Variants in UBE2W observed in about 807,000 individuals in gnomAD.
UBE2W encodes the protein ubiquitin conjugating enzyme E2 W, also known as ubiquitin-conjugating enzyme E2 W.
UBE2W carries 18 observed loss-of-function variants against 27.2 expected under a neutral mutation model. That is an observed-to-expected ratio of 0.66 (90% CI 0.46 to 0.98). The LOEUF (loss-of-function observed/expected upper bound fraction) is 0.98. Among genes scored for constraint, UBE2W ranks in the 50% least tolerant of loss-of-function variants. The pLI, the probability that UBE2W is intolerant of heterozygous loss-of-function variation, is 0.00. For missense variants in UBE2W, 90 were observed against 180.2 expected, an observed-to-expected ratio of 0.50 and a Z score of 2.87; for synonymous variants, 53 against 57.2, an observed-to-expected ratio of 0.93 and a Z score of 0.33.
At chr8:73,848,480 T>C (rs1227967460) in intron 1 of UBE2W, among the ~76,000 whole-genome samples, 1 of 152,100 alleles carries the variant, frequency 6.6e-6, no homozygotes, top group Middle Eastern at 3.2e-3. Context: ...TTCCAGGAGT[T>C]TGAAACTAGC....
rs73338458 is a variant in UBE2W, at chr8:73,818,164, T to C, written c.210+6983A>G. The stretch of plus-strand genomic sequence containing the variant: ...CCAAAGCATACAATTCACACTTCAG[T>C]TGTCTGTACAGTTGCATATGCCAAA... On this transcript the variant is annotated intron_variant, in intron 3 of 5. Coordinates refer to ENST00000602593, the MANE Select transcript of UBE2W (RefSeq NM_018299.6). Among the ~76,000 whole-genome samples, 574 of 152,346 alleles carry C rather than the reference T, an allele frequency of 3.8e-3. 3 individuals carry two copies. The highest frequency in any genetic ancestry group is 0.012 in the African/African-American group (496 of 41,576).
At chr8:73,820,338 A>T (rs956362173) in intron 3 of UBE2W, among the ~76,000 whole-genome samples, 3 of 152,194 alleles carry the variant, frequency 2.0e-5, no homozygotes, top group Non-Finnish European at 4.4e-5. Flanking sequence ...AATACATTTT[A>T]AAAAATTTTA....
chr8:73,796,685 T>C, intron 5 of UBE2W: 2 of 983,606 alleles, frequency 2.0e-6, no homozygotes, highest in African/African-American at 3.5e-5. Flanking sequence ...TACGAATCCA[T>C]GATGGCTATA....
intron 1 of UBE2W, among the ~76,000 whole-genome samples, chr8:73,873,443 A>C (rs1812089784): frequency 6.6e-6 from 1 of 152,146 alleles, no homozygotes; most frequent in African/African-American, 2.4e-5. Context: ...CCGATGGCTG[A>C]GTCCTGGAGT....
At position 73,837,513 on chromosome 8, in the gene UBE2W, T is replaced by TA. The variant is rs879465547; in HGVS notation, c.16-7042dup. 7.6e-4 allele frequency among the ~76,000 whole-genome samples: 111 copies of TA among 146,338 alleles called. 1 individual carries two copies. The South Asian group carries it at 9.5e-3, about 13-fold the overall frequency. ...GGGCAACAGAGTGAGACTCTTGTCT[T>TA]AAAAAAAAAAAAATTATGAAGTGGT... On this transcript the variant is annotated intron_variant, in intron 1 of 5. Coordinates refer to ENST00000602593, the MANE Select transcript of UBE2W (RefSeq NM_018299.6).
At chr8:73,834,945 CAA>C (rs1362921996) in intron 1 of UBE2W, among the ~76,000 whole-genome samples, 1 of 151,860 alleles carries the variant, frequency 6.6e-6, no homozygotes, top group Non-Finnish European at 1.5e-5. Flanking sequence ...CCAACAACAA[CAA>C]AAAAGAGGTT....
chr8:73,801,849 C>T (rs1004933714), intron 5 of UBE2W, among the ~76,000 whole-genome samples: 10 of 152,178 alleles, frequency 6.6e-5, no homozygotes, highest in African/African-American at 2.4e-4. Flanking sequence ...CTAGCTACAT[C>T]AGAATTATCT....
chr8:73,858,879 CGTGTGTGTGTGTGTGT>C (rs5892434), intron 1 of UBE2W, among the ~76,000 whole-genome samples: 1 of 141,728 alleles, frequency 7.1e-6, no homozygotes. Flanking sequence ...TTTTTGCGTG[CGTGTGTGTGTGTGTGT>C]GTGTGTGTGT....
At chr8:73,849,964 C>T (rs1486396330) in intron 1 of UBE2W, among the ~76,000 whole-genome samples, 1 of 151,938 alleles carries the variant, frequency 6.6e-6, no homozygotes. Context: ...GAGCATAAAA[C>T]CTGTATACAC....
intron 3 of UBE2W, among the ~76,000 whole-genome samples, chr8:73,821,884 T>C (rs568327924): frequency 6.6e-6 from 1 of 152,072 alleles, no homozygotes; most frequent in South Asian, 2.1e-4. Flanking sequence ...GGCCAAATCA[T>C]TATTTACTGG....
intron 1 of UBE2W, among the ~76,000 whole-genome samples, chr8:73,864,607 T>C (rs563485428): frequency 2.9e-4 from 44 of 152,224 alleles, no homozygotes; most frequent in African/African-American, 1.0e-3. Flanking sequence ...AGTCTCGCTC[T>C]ATGGCCCAGG....
At position 73,791,028 on chromosome 8, in the gene UBE2W, T is replaced by C. The variant is rs777762347; in HGVS notation, c.*3074A>G. 19 of 983,704 alleles carry C rather than the reference T, an allele frequency of 1.9e-5. No individual in the cohort carries two copies. Among genetic ancestry groups the C allele is most frequent in the Non-Finnish European group, 2.3e-5 (19 of 828,520 alleles). The allele number at this position is 983,704 out of a possible 1,614,324, so 60.9% of individuals were successfully genotyped here. On this transcript the variant is annotated 3_prime_UTR_variant, in exon 6 of 6. Transcript: ENST00000602593. The stretch of plus-strand genomic sequence containing the variant: ...TAGTCAAAACAACAAGGAATTAAGA[T>C]CTTTCTCCAGGTGAACTGCTGACTA...
intron 4 of UBE2W, among the ~76,000 whole-genome samples, chr8:73,810,117 T>C (rs1809094335): frequency 6.6e-6 from 1 of 152,166 alleles, no homozygotes; most frequent in Non-Finnish European, 1.5e-5. Flanking sequence ...AAGGAAGCTA[T>C]GATGCACTTT....
chr8:73,857,405 T>C (rs1207238643), intron 1 of UBE2W, among the ~76,000 whole-genome samples: 3 of 152,180 alleles, frequency 2.0e-5, no homozygotes, highest in African/African-American at 7.2e-5. Flanking sequence ...TTCACTACAA[T>C]AGTTTCAATG....
At chr8:73,857,882 G>A (rs1003785156) in intron 1 of UBE2W, among the ~76,000 whole-genome samples, 3 of 151,914 alleles carry the variant, frequency 2.0e-5, no homozygotes, top group Non-Finnish European at 4.4e-5. Flanking sequence ...ACATAAACTT[G>A]GGCCTCAGTT....
chr8:73,872,889 TTTTTTTTTTTCC>T, intron 1 of UBE2W, among the ~76,000 whole-genome samples: 1 of 145,888 alleles, frequency 6.9e-6, no homozygotes, highest in South Asian at 2.2e-4. Context: ...AAGATAATCC[TTTTTTTTTTTCC>T]TTTTTTTTTT....
rs1808216975 is a variant in UBE2W, at chr8:73,791,877, G to A, written c.*2225C>T. ...ATGGTATTTATATGTAGAGAGAGAG[G>A]TATGTTAAAATATTGTCATAAAAAA... On this transcript the variant is annotated 3_prime_UTR_variant, in exon 6 of 6. Transcript: ENST00000602593. 3.0e-6 allele frequency: 3 copies of A among 984,074 alleles called. 1 individual carries two copies. Among genetic ancestry groups the A allele is most frequent in the South Asian group, 9.4e-5 (2 of 21,264 alleles). 61.0% of individuals were successfully genotyped at this position (984,074 alleles called of 1,614,324 possible).
intron 1 of UBE2W, among the ~76,000 whole-genome samples, chr8:73,864,634 T>G (rs1010231352): frequency 3.3e-5 from 5 of 151,710 alleles, no homozygotes; most frequent in African/African-American, 1.2e-4. Flanking sequence ...TGCAATGGCA[T>G]GATCTTGGCT....
Position 73,790,117 on chromosome 8 carries a change from T to G in UBE2W, c.*3985A>C, listed in dbSNP as rs1208168614. 13 of 985,028 alleles carry G rather than the reference T, an allele frequency of 1.3e-5. No homozygotes were observed. Among genetic ancestry groups the G allele is most frequent in the Non-Finnish European group, 1.6e-5 (13 of 829,762 alleles). 61.0% of individuals were successfully genotyped at this position (985,028 alleles called of 1,614,324 possible). A position where few individuals can be genotyped will look rare whatever the true frequency, so the allele number is the denominator to read the frequency against. On this transcript the variant is annotated 3_prime_UTR_variant, in exon 6 of 6. Transcript: ENST00000602593. ...ATGTATTTTATTTGTAGGAGAGCATTTTAAATTTTTCAAAAATTCATGGCA... is the reference window on the plus strand; with the variant it reads ...ATGTATTTTATTTGTAGGAGAGCATGTTAAATTTTTCAAAAATTCATGGCA...
Sources: gnomAD v4.1 joint callset for allele counts (sites outside exome capture counted in the v4.1 genomes callset) on GRCh38, gnomAD v4.1.1 for gene constraint, MANE v1.5 for transcripts, NCBI Gene and HGNC (gene_info 2026-07-23, HGNC 2026-07-21) for gene names.